Variants in SHOX observed in about 807,000 individuals in gnomAD.
SHOX encodes SHOX homeobox.
In SHOX, 12 loss-of-function variants were observed where a neutral mutation model predicts 29.6. That is an observed-to-expected ratio of 0.41 (90% CI 0.26 to 0.66). The LOEUF (loss-of-function observed/expected upper bound fraction) is 0.66, where lower values mean the gene tolerates loss of function less well. SHOX is among the 30% of genes least tolerant of loss of function. SHOX has a pLI of 0.35. For missense variants in SHOX, 499 were observed against 437.7 expected (o/e 1.14, Z -1.25); for synonymous variants, 214 against 200.6 (o/e 1.07, Z -0.57).
chrX:638,739 A>G (rs1439801422), intron 2 of SHOX, among the ~76,000 whole-genome samples: 3 of 152,180 alleles, frequency 2.0e-5, no homozygotes, highest in Non-Finnish European at 4.4e-5. Flanking sequence ...GGTTCCCTTC[A>G]TAGGGGCACC....
At position 650,791 on chromosome X, in the gene SHOX, T is replaced by TAA. The variant is rs1569495959; in HGVS notation, c.*6155_*6156insAA. On this transcript the variant is annotated 3_prime_UTR_variant, in exon 5 of 5. Transcript: ENST00000686671. ...AGGCTTTCGGTGGACACGTTTGACATTAAAAAAAAAAAAAAAAAAAAAAAA... is the reference window on the plus strand; with the variant it reads ...AGGCTTTCGGTGGACACGTTTGACATAATAAAAAAAAAAAAAAAAAAAAAAAA... Among the ~76,000 whole-genome samples the TAA allele has an allele frequency of 0.017, 515 of 29,852 alleles. 12 individuals carry two copies. Among genetic ancestry groups the TAA allele is most frequent in the African/African-American group, 0.056 (469 of 8,420 alleles). 19.6% of individuals were successfully genotyped at this position (29,852 alleles called of 152,430 possible).
upstream of SHOX, among the ~76,000 whole-genome samples, chrX:629,292 C>T (rs2052603749): frequency 1.4e-5 from 2 of 139,756 alleles, no homozygotes; most frequent in Admixed American, 7.2e-5. Flanking sequence ...TCCGTCTCTC[C>T]CTGTCTGTCT....
At chrX:630,688 T>A (rs1238534140), upstream of SHOX, 2 of 632,716 alleles carry the variant, frequency 3.2e-6, no homozygotes, top group Admixed American at 5.7e-5. Context: ...TCTGCGTGCG[T>A]CCGCCGCGGA....
rs1358124000 is a variant in SHOX, at chrX:631,073, T to G, written c.176T>G (p.Ile59Ser). Reference sequence around the variant, plus strand: ...ACGTCGGATTCCAGCCTCCAGGACATCACGGAGGGCGGCGGCCACTGCCCG... The same window carrying G: ...ACGTCGGATTCCAGCCTCCAGGACAGCACGGAGGGCGGCGGCCACTGCCCG... The part of the protein sequence containing the change: ...LGTSDSSLQD[I>S]TEGGGHCPVH... The change falls in exon 1 of 5, where the codon ATC becomes AGC. Residue 59 changes from isoleucine (I) to serine (S), a missense_variant. Ile to Ser is a moderately radical substitution (Grantham distance 142). Transcript: ENST00000686671. 1.2e-6 allele frequency: 2 copies of G among 1,613,612 alleles called. No homozygotes were observed. The highest frequency in any genetic ancestry group is 1.3e-5 in the African/African-American group (1 of 75,006).
upstream of SHOX, among the ~76,000 whole-genome samples, chrX:627,208 C>T (rs1349352219): frequency 2.6e-5 from 4 of 152,188 alleles, no homozygotes; most frequent in African/African-American, 4.8e-5. Context: ...CAATGCAAAA[C>T]ATTTCATACA....
At chrX:634,887 C>G (rs2052717143) in intron 2 of SHOX, 61 bp downstream of exon 2, 3 of 1,516,122 alleles carry the variant, frequency 2.0e-6, no homozygotes, top group South Asian at 1.2e-5. Flanking sequence ...CGGGAGCGCA[C>G]AGCACGCGTA....
chrX:630,521 G>C (rs1302906070), upstream of SHOX: 1 of 395,282 alleles, frequency 2.5e-6, no homozygotes, highest in East Asian at 5.4e-5. Flanking sequence ...TAACCTGTGT[G>C]GGGGGCTCGG....
At chrX:654,916 G>C (rs912973415), downstream of SHOX, among the ~76,000 whole-genome samples, 52 of 97,708 alleles carry the variant, frequency 5.3e-4, no homozygotes, top group South Asian at 1.6e-3. Flanking sequence ...TTGAGCTCCC[G>C]ACCTCGGGTG....
At chrX:634,889 G>A (rs1414071954) in intron 2 of SHOX, 63 bp downstream of exon 2, 1 of 1,507,944 alleles carries the variant, frequency 6.6e-7, no homozygotes, top group East Asian at 2.5e-5. Context: ...GGAGCGCACA[G>A]CACGCGTACA....
intron 4 of SHOX, among the ~76,000 whole-genome samples, chrX:642,110 C>T (rs2052864482): frequency 1.3e-5 from 2 of 152,308 alleles, no homozygotes; most frequent in East Asian, 3.9e-4. Flanking sequence ...CCTGCCCTGG[C>T]TTAGTGGTGG....
chrX:634,971 T>C (rs931436406), intron 2 of SHOX, 145 bp downstream of exon 2: 5 of 786,314 alleles, frequency 6.4e-6, no homozygotes, highest in Admixed American at 2.8e-5. Flanking sequence ...CGGGCTGGGG[T>C]TCCTGGACTT....
chrX:626,259 CTGTCTCTT>C, upstream of SHOX, among the ~76,000 whole-genome samples: 1 of 150,454 alleles, frequency 6.6e-6, no homozygotes, highest in East Asian at 2.0e-4. Context: ...TCCTCTCTCT[CTGTCTCTT>C]TTTCTCTGTC....
intron 1 of SHOX, among the ~76,000 whole-genome samples, chrX:634,093 C>G (rs1203635100): frequency 6.6e-6 from 1 of 152,222 alleles, no homozygotes; most frequent in Non-Finnish European, 1.5e-5. Context: ...TTCTGCTGTT[C>G]TGCTGAGAAA....
chrX:635,642 G>A (rs1048790200), intron 2 of SHOX, among the ~76,000 whole-genome samples: 8 of 152,310 alleles, frequency 5.3e-5, no homozygotes, highest in Admixed American at 2.0e-4. Flanking sequence ...GCACTGGGGG[G>A]CGGAGGGGCC....
rs2053024292 is a variant in SHOX, at chrX:649,685, G to A, written c.*5049G>A. Among the ~76,000 whole-genome samples, 1 of 152,138 alleles carries A rather than the reference G, an allele frequency of 6.6e-6. No individual in the cohort carries two copies. Among genetic ancestry groups the A allele is most frequent in the Non-Finnish European group, 1.5e-5 (1 of 68,034 alleles). On this transcript the variant is annotated 3_prime_UTR_variant, in exon 5 of 5. Coordinates refer to ENST00000686671, the MANE Select transcript of SHOX (RefSeq NM_000451.4). ...TAACGCCGTTGCAGAGAGAGGATTT[G>A]GTGTGTGAGATCCGTACCAGCTCCA...
At chrX:634,551 G>C in intron 1 of SHOX, 67 bp from the exon 2 acceptor site, 1 of 1,555,236 alleles carries the variant, frequency 6.4e-7, no homozygotes. Context: ...CGGGATGCAC[G>C]AAGGGGTTCG....
chrX:654,746 G>A (rs1331489294), downstream of SHOX, among the ~76,000 whole-genome samples: 8 of 152,054 alleles, frequency 5.3e-5, no homozygotes, highest in South Asian at 2.1e-4. Flanking sequence ...GTGCAGTGGC[G>A]TGATCTCAGC....
chrX:649,775 G>A lies in SHOX; in HGVS notation c.*5139G>A, dbSNP rs1368463324. On this transcript the variant is annotated 3_prime_UTR_variant, in exon 5 of 5. Transcript: ENST00000686671. ...TGCTGGGTTGGGTCCTGATTGATAC[G>A]TATTTTCTTCCCTCCTCTCCCCAAA... Among the ~76,000 whole-genome samples, 3 of 152,112 alleles carry A rather than the reference G, an allele frequency of 2.0e-5. No individual in the cohort carries two copies. Among genetic ancestry groups the A allele is most frequent in the African/African-American group, 2.4e-5 (1 of 41,440 alleles).
downstream of SHOX, among the ~76,000 whole-genome samples, chrX:652,681 G>A: frequency 6.6e-6 from 1 of 152,270 alleles, no homozygotes; most frequent in Non-Finnish European, 1.5e-5. Context: ...GCCAGAGAAG[G>A]GGTTTCAGAG....
Sources: allele counts gnomAD v4.1 joint callset (sites outside exome capture counted in the v4.1 genomes callset), GRCh38; gene constraint gnomAD v4.1.1; transcripts MANE v1.5; gene names NCBI Gene and HGNC (gene_info 2026-07-23, HGNC 2026-07-21).